ST3GAL2: variants seen among roughly 807,000 people sequenced by gnomAD.
ST3GAL2 encodes the protein CMP-N-acetylneuraminate-beta-galactosamide-alpha-2,3-sialyltransferase 2.
In ST3GAL2, 16 loss-of-function variants were observed where a neutral mutation model predicts 37.5. That is an observed-to-expected ratio of 0.43 (90% CI 0.29 to 0.65). The LOEUF is 0.65. ST3GAL2 is among the 30% of genes least tolerant of loss of function. The pLI, the probability that ST3GAL2 is intolerant of heterozygous loss-of-function variation, is 0.17. For missense variants in ST3GAL2, 383 were observed against 487.8 expected, an observed-to-expected ratio of 0.79 and a Z score of 2.02; for synonymous variants, 238 against 202.9, an observed-to-expected ratio of 1.17 and a Z score of -1.47.
rs887288811 is a variant in ST3GAL2, at chr16:70,426,263, G to A, written c.-1004+12686C>T. On this transcript the variant is annotated intron_variant, in intron 1 of 6. Transcript: ENST00000342907. The stretch of plus-strand genomic sequence containing the variant: ...GGCTGGAGTGCAGTGGCGCGATCTC[G>A]GCTCACTGCAACCTCCGCCTCCCAG... 2.6e-4 allele frequency among the ~76,000 whole-genome samples: 35 copies of A among 136,994 alleles called. 1 individual carries two copies. Among genetic ancestry groups the A allele is most frequent in the Admixed American group, 4.4e-4 (5 of 11,412 alleles). 89.9% of individuals were successfully genotyped at this position (136,994 alleles called of 152,430 possible). A position where few individuals can be genotyped will look rare whatever the true frequency, so the allele number is the denominator to read the frequency against.
At chr16:70,388,323 T>A (rs1567666268) in intron 4 of ST3GAL2, 44 bp downstream of exon 4, 2 of 1,612,218 alleles carry the variant, frequency 1.2e-6, no homozygotes, top group Non-Finnish European at 1.7e-6. Flanking sequence ...CTGCCCAAGA[T>A]GGTCCTGTCA....
At chr16:70,424,304 GC>G (rs1312064713) in intron 1 of ST3GAL2, among the ~76,000 whole-genome samples, 2 of 147,934 alleles carry the variant, frequency 1.4e-5, no homozygotes, top group Non-Finnish European at 3.0e-5. Context: ...CAAGTAAGTA[GC>G]TTTATAAGGT....
Position 70,382,436 on chromosome 16 carries a change from A to G in ST3GAL2, c.879+369T>C, listed in dbSNP as rs117088229. Among the ~76,000 whole-genome samples, 748 of 152,086 alleles carry G rather than the reference A, an allele frequency of 4.9e-3. 5 individuals carry two copies. The highest frequency in any genetic ancestry group is 7.5e-3 in the Non-Finnish European group (512 of 67,978). ...TAGCTAAGATTACAGGCGTGCCCCA[A>G]CACGCCTGGCTAATTTTTTGTACTT... On this transcript the variant is annotated intron_variant, in intron 6 of 6. Coordinates refer to ENST00000342907, the MANE Select transcript of ST3GAL2 (RefSeq NM_006927.4).
At chr16:70,385,314 C>A (rs1205608383) in intron 4 of ST3GAL2, among the ~76,000 whole-genome samples, 3 of 151,830 alleles carry the variant, frequency 2.0e-5, no homozygotes, top group Non-Finnish European at 2.9e-5. Flanking sequence ...AACAAACAAA[C>A]AAACAAACAA....
At position 70,407,161 on chromosome 16, in the gene ST3GAL2, T is replaced by TA. The variant is rs1380047017; in HGVS notation, c.-1003-7629dup. The stretch of plus-strand genomic sequence containing the variant: ...ACACTATGGCCTTTTTTTTTTTTTT[T>TA]ATGGAGTCTCACTCGGTTGCCCAGG... On this transcript the variant is annotated intron_variant, in intron 1 of 6. Coordinates refer to ENST00000342907, the MANE Select transcript of ST3GAL2 (RefSeq NM_006927.4). Among the ~76,000 whole-genome samples the TA allele has an allele frequency of 5.3e-5, 8 of 151,378 alleles. No homozygotes were observed. In the East Asian group the frequency reaches 5.8e-4, roughly 11 times the overall value.
At chr16:70,406,373 G>A (rs1007496788) in intron 1 of ST3GAL2, among the ~76,000 whole-genome samples, 1 of 151,896 alleles carries the variant, frequency 6.6e-6, no homozygotes, top group Admixed American at 6.6e-5. Context: ...CCGGGGGGTG[G>A]TGGCAGAGGC....
chr16:70,432,155 T>A (rs544348882), intron 1 of ST3GAL2, among the ~76,000 whole-genome samples: 1 of 152,086 alleles, frequency 6.6e-6, no homozygotes, highest in South Asian at 2.1e-4. Context: ...CCATTTAGCA[T>A]GATTGGTAAA....
chr16:70,406,986 T>A (rs886864552), intron 1 of ST3GAL2, among the ~76,000 whole-genome samples: 1 of 152,124 alleles, frequency 6.6e-6, no homozygotes, highest in Non-Finnish European at 1.5e-5. Context: ...GGGCTACCTG[T>A]GGGACAGGTG....
chr16:70,438,667 G>A (rs2047844283), intron 1 of ST3GAL2, among the ~76,000 whole-genome samples: 1 of 152,062 alleles, frequency 6.6e-6, no homozygotes, highest in South Asian at 2.1e-4. Flanking sequence ...CTGGGGCTGG[G>A]GTTGGGGTTG....
At position 70,383,252 on chromosome 16, in the gene ST3GAL2, A is replaced by G. The variant is rs752719468; in HGVS notation, c.714-17T>C. On this transcript the variant is annotated splice_polypyrimidine_tract_variant and intron_variant, in intron 4 of 6. Transcript: ENST00000342907. ...GCGTAGGTGCTGTAAGCAAAAAGAA[A>G]GAAAGATAACATTTCAGGCTGGGCA... 6.3e-7 allele frequency: 1 copy of G among 1,599,742 alleles called. No homozygotes were observed. Among genetic ancestry groups the G allele is most frequent in the Non-Finnish European group, 8.5e-7 (1 of 1,176,502 alleles).
At chr16:70,400,248 G>A (rs1373088202) in intron 1 of ST3GAL2, 3 of 152,408 alleles carry the variant, frequency 2.0e-5, no homozygotes, top group Non-Finnish European at 4.4e-5. Flanking sequence ...CAAGAACAGG[G>A]AGAAAAGGCC....
intron 4 of ST3GAL2, among the ~76,000 whole-genome samples, chr16:70,384,901 C>T (rs894187833): frequency 1.1e-4 from 17 of 150,648 alleles, no homozygotes; most frequent in Admixed American, 7.9e-4. Flanking sequence ...CCCAGCTACT[C>T]GGGAGGCTGA....
intron 1 of ST3GAL2, among the ~76,000 whole-genome samples, chr16:70,433,802 T>G (rs1180907097): frequency 2.0e-5 from 3 of 152,228 alleles, no homozygotes; most frequent in African/African-American, 7.2e-5. Context: ...GGCAGCCAAG[T>G]TGCTGCTTGC....
At chr16:70,385,373 G>C (rs764822707) in intron 4 of ST3GAL2, among the ~76,000 whole-genome samples, 1 of 152,118 alleles carries the variant, frequency 6.6e-6, no homozygotes, top group Non-Finnish European at 1.5e-5. Context: ...AGGTTACCTG[G>C]GGTTGAGGGG....
At chr16:70,394,802 C>A (rs8046296) in intron 3 of ST3GAL2, among the ~76,000 whole-genome samples, 180 bp downstream of exon 3, 1,641 of 152,322 alleles carry the variant, frequency 0.011, 25 homozygotes, top group African/African-American at 0.037. Flanking sequence ...TTCTGTCTCC[C>A]CATCCACCCC....
chr16:70,416,833 C>G (rs766771741), intron 1 of ST3GAL2, among the ~76,000 whole-genome samples: 40 of 152,076 alleles, frequency 2.6e-4, no homozygotes, highest in Middle Eastern at 3.4e-3. Context: ...GGTGCCTGGA[C>G]GACGGCAGGG....
At position 70,399,537 on chromosome 16, in the gene ST3GAL2, G is replaced by C. The variant is rs554018893; in HGVS notation, c.-1003-4C>G. On this transcript the variant is annotated splice_region_variant and splice_polypyrimidine_tract_variant and intron_variant, in intron 1 of 6. Coordinates refer to ENST00000342907, the MANE Select transcript of ST3GAL2 (RefSeq NM_006927.4). ...GCCAGGCTGCCGCAGCACGACCCTAGAATGGCAGAGAGGAGAAATAATGTG... is the reference window on the plus strand; with the variant it reads ...GCCAGGCTGCCGCAGCACGACCCTACAATGGCAGAGAGGAGAAATAATGTG... 12 of 397,874 alleles carry C rather than the reference G, an allele frequency of 3.0e-5. No homozygotes were observed. Among genetic ancestry groups the C allele is most frequent in the South Asian group, 1.4e-4 (1 of 7,196 alleles). 24.6% of individuals were successfully genotyped at this position (397,874 alleles called of 1,614,324 possible).
chr16:70,416,511 G>C (rs2047677445), intron 1 of ST3GAL2, among the ~76,000 whole-genome samples: 1 of 152,160 alleles, frequency 6.6e-6, no homozygotes, highest in Non-Finnish European at 1.5e-5. Context: ...GCCTAGCACT[G>C]TCCTGCATAT....
At chr16:70,384,327 G>A (rs562977806) in intron 4 of ST3GAL2, among the ~76,000 whole-genome samples, 44 of 152,178 alleles carry the variant, frequency 2.9e-4, no homozygotes, top group Non-Finnish European at 6.2e-4. Context: ...CAACACGGAT[G>A]AACTATGAGG....
Sources: allele counts gnomAD v4.1 joint callset (sites outside exome capture counted in the v4.1 genomes callset), GRCh38; gene constraint gnomAD v4.1.1; transcripts MANE v1.5; gene names NCBI Gene and HGNC (gene_info 2026-07-23, HGNC 2026-07-21).